Variants in ACYP2 observed in about 807,000 individuals in gnomAD.
ACYP2 encodes the protein acylphosphatase 2.
A neutral mutation model predicts 11.2 loss-of-function variants in ACYP2; 12 were observed. The ratio of observed to expected loss-of-function variants is 1.08; its 90% CI spans 0.69 to 1.74. The LOEUF (loss-of-function observed/expected upper bound fraction) is 1.74. Ranked by LOEUF, ACYP2 falls within the 40% of genes most tolerant of loss-of-function variation. The pLI, the probability that ACYP2 is intolerant of heterozygous loss-of-function variation, is 0.00. For synonymous variants in ACYP2, 43 were observed against 32.2 expected, an observed-to-expected ratio of 1.33 and a Z score of -1.13; for missense variants, 134 against 101.9, an observed-to-expected ratio of 1.31 and a Z score of -1.35.
At chr2:54,294,045 GTCTT>G (rs767145451) in intron 6 of ACYP2, among the ~76,000 whole-genome samples, 69 of 152,098 alleles carry the variant, frequency 4.5e-4, no homozygotes, top group Non-Finnish European at 3.5e-4. Context: ...TTCATTATCT[GTCTT>G]TATTTTTTAC....
intron 6 of ACYP2, chr2:54,267,305 A>G (rs748661272): frequency 1.7e-4 from 261 of 1,548,744 alleles, no homozygotes; most frequent in Non-Finnish European, 2.1e-4. Flanking sequence ...GGAATTCATC[A>G]GCTCCGGAAG....
chr2:53,990,574 G>T (rs1346385979), intron 2 of ACYP2, among the ~76,000 whole-genome samples: 2 of 150,132 alleles, frequency 1.3e-5, no homozygotes, highest in African/African-American at 4.9e-5. Flanking sequence ...TGTTGAACCC[G>T]GGAGGTGCAG....
rs565910523 is a variant in ACYP2 at position 54,216,264 on chromosome 2, G to A, written c.404+77516G>A. 7.2e-5 allele frequency among the ~76,000 whole-genome samples: 11 copies of A among 151,958 alleles called. No individual in the cohort carries two copies. In the East Asian group the frequency reaches 1.2e-3, roughly 16 times the overall value. On this transcript the variant is annotated intron_variant, in intron 6 of 6. Transcript: ENST00000607452. ...CCAGATTTATACTGTTTTGATTATC[G>A]AGGGTTTATAATATGCTTCAGTTGA...
rs1027246030 is a variant in ACYP2, at chr2:54,096,326, A to C, written c.277+38966A>C. 8.4e-5 allele frequency among the ~76,000 whole-genome samples: 12 copies of C among 142,348 alleles called. No homozygotes were observed. In the East Asian group the frequency reaches 1.8e-3, roughly 21 times the overall value. 93.4% of individuals were successfully genotyped at this position (142,348 alleles called of 152,430 possible). On this transcript the variant is annotated intron_variant, in intron 4 of 6. Transcript: ENST00000607452. The stretch of plus-strand genomic sequence containing the variant: ...TTCCTAGATGGGATGGCGGCCGGGC[A>C]GAGACGCTCCTCACTTTCCAGACTG...
chr2:54,204,521 G>C (rs1412378099), intron 6 of ACYP2, among the ~76,000 whole-genome samples: 1 of 152,100 alleles, frequency 6.6e-6, no homozygotes, highest in Non-Finnish European at 1.5e-5. Flanking sequence ...TGTGGCATAT[G>C]AAAGGTCCGA....
intron 6 of ACYP2, among the ~76,000 whole-genome samples, chr2:54,139,638 T>C (rs1261587282): frequency 6.6e-6 from 1 of 152,256 alleles, no homozygotes; most frequent in Non-Finnish European, 1.5e-5. Context: ...ATGAGGTAGG[T>C]ACTAAGTAAC....
At chr2:53,975,602 G>A (rs1253508206) in intron 2 of ACYP2, among the ~76,000 whole-genome samples, 3 of 152,100 alleles carry the variant, frequency 2.0e-5, no homozygotes, top group Non-Finnish European at 1.5e-5. Context: ...GAGAGACAAG[G>A]CAGGCGGATC....
intron 2 of ACYP2, among the ~76,000 whole-genome samples, chr2:53,980,542 C>A (rs1205258126): frequency 6.6e-6 from 1 of 151,802 alleles, no homozygotes; most frequent in Non-Finnish European, 1.5e-5. Context: ...CGTGGTGAGA[C>A]CTCATCTCTA....
chr2:54,026,348 C>T (rs1482679702), intron 2 of ACYP2, among the ~76,000 whole-genome samples: 4 of 151,476 alleles, frequency 2.6e-5, no homozygotes, highest in South Asian at 4.2e-4. Flanking sequence ...TGGTGAAATG[C>T]AAATCAAAAC....
intron 6 of ACYP2, among the ~76,000 whole-genome samples, chr2:54,273,810 A>G (rs1340163902): frequency 6.6e-6 from 1 of 152,166 alleles, no homozygotes; most frequent in Non-Finnish European, 1.5e-5. Context: ...AGATATTCCA[A>G]TAACCTTCCT....
At chr2:54,060,954 A>G (rs1339009799) in intron 4 of ACYP2, among the ~76,000 whole-genome samples, 1 of 152,046 alleles carries the variant, frequency 6.6e-6, no homozygotes, top group African/African-American at 2.4e-5. Context: ...TACCATTTTT[A>G]GATGAAATTT....
chr2:54,170,623 T>C lies in ACYP2; in HGVS notation c.404+31875T>C, dbSNP rs1289217420. 2.0e-5 allele frequency among the ~76,000 whole-genome samples: 3 copies of C among 152,088 alleles called. No homozygotes were observed. The East Asian group carries it at 5.8e-4, about 29-fold the overall frequency. On this transcript the variant is annotated intron_variant, in intron 6 of 6. Coordinates refer to ENST00000607452, the MANE Select transcript of ACYP2 (RefSeq NM_001320586.2). ...ACAGTCTCTTAGGCGGTTGGAAGTA[T>C]ATTCACATCTCCAGCTAGATGGGAA... is the stretch of plus-strand genomic sequence containing the variant.
chr2:54,275,753 G>A (rs1189605625), intron 6 of ACYP2, among the ~76,000 whole-genome samples: 1 of 152,146 alleles, frequency 6.6e-6, no homozygotes, highest in Non-Finnish European at 1.5e-5. Context: ...ATTACATTTA[G>A]GTGAAATTGG....
chr2:54,184,037 C>T (rs1243367509), intron 6 of ACYP2, among the ~76,000 whole-genome samples: 1 of 152,134 alleles, frequency 6.6e-6, no homozygotes, highest in Non-Finnish European at 1.5e-5. Context: ...CAGAAAGATA[C>T]TTCCTTATGC....
chr2:54,111,344 G>A (rs1679449697), intron 4 of ACYP2, among the ~76,000 whole-genome samples: 1 of 152,162 alleles, frequency 6.6e-6, no homozygotes, highest in African/African-American at 2.4e-5. Context: ...CAGCTAGGTA[G>A]GGGGAAACTA....
intron 6 of ACYP2, among the ~76,000 whole-genome samples, chr2:54,218,268 C>T (rs1685640282): frequency 6.6e-6 from 1 of 152,216 alleles, no homozygotes; most frequent in Non-Finnish European, 1.5e-5. Flanking sequence ...ACTGTACACT[C>T]TGAGGATCTC....
intron 6 of ACYP2, among the ~76,000 whole-genome samples, chr2:54,216,125 A>G (rs1685550099): frequency 6.6e-6 from 1 of 152,244 alleles, no homozygotes; most frequent in Non-Finnish European, 1.5e-5. Flanking sequence ...ACTTTGTTAA[A>G]TAATTCATCC....
chr2:54,291,939 AC>A (rs1689326303), intron 6 of ACYP2, among the ~76,000 whole-genome samples: 1 of 152,206 alleles, frequency 6.6e-6, no homozygotes, highest in Admixed American at 6.5e-5. Flanking sequence ...AGGGGTATGC[AC>A]TGGTGACTTC....
In ACYP2 at chr2:54,205,926, C is replaced by A. The variant is rs1253972505; in HGVS notation, c.404+67178C>A. Among the ~76,000 whole-genome samples, 3 of 152,032 alleles carry A rather than the reference C, an allele frequency of 2.0e-5. No homozygotes were observed. In the East Asian group the frequency reaches 5.8e-4, roughly 29 times the overall value. On this transcript the variant is annotated intron_variant, in intron 6 of 6. Coordinates refer to ENST00000607452, the MANE Select transcript of ACYP2 (RefSeq NM_001320586.2). ...ATAATGTACTTATCAAACATAAATT[C>A]CTTTTTTGAGTGTATATATTTCCTG...
Sources: allele counts gnomAD v4.1 joint callset (sites outside exome capture counted in the v4.1 genomes callset), GRCh38; gene constraint gnomAD v4.1.1; transcripts MANE v1.5; gene names NCBI Gene and HGNC (gene_info 2026-07-23, HGNC 2026-07-21).